The following KAZN variants were observed in gnomAD, a reference collection of about 807,000 sequenced individuals.
KAZN encodes kazrin, periplakin interacting protein.
In KAZN, 40 loss-of-function variants were observed where a neutral mutation model predicts 87.4. That is an observed-to-expected ratio of 0.46 (90% CI 0.36 to 0.60). KAZN has a LOEUF of 0.60. Among genes scored for constraint, KAZN ranks in the 20% least tolerant of loss-of-function variants. The pLI, the probability that KAZN is intolerant of heterozygous loss-of-function variation, is 0.00. For synonymous variants in KAZN, 466 were observed against 458.3 expected (o/e 1.02, Z -0.22); for missense variants, 898 against 1,073.9 (o/e 0.84, Z 2.29).
At chr1:14,172,439 T>C (rs1337440842) in intron 1 of KAZN, among the ~76,000 whole-genome samples, 1 of 152,226 alleles carries the variant, frequency 6.6e-6, no homozygotes, top group African/African-American at 2.4e-5. Context: ...AGCACTATTA[T>C]GTGCCAGGTC....
At chr1:13,947,344 G>A (rs919068218) in intron 1 of KAZN, among the ~76,000 whole-genome samples, 3 of 152,236 alleles carry the variant, frequency 2.0e-5, no homozygotes, top group Admixed American at 6.5e-5. Flanking sequence ...AGGCAAAATC[G>A]TGAGTGGACT....
chr1:14,064,289 T>C (rs552479858), intron 1 of KAZN, among the ~76,000 whole-genome samples: 16 of 152,272 alleles, frequency 1.1e-4, no homozygotes, highest in African/African-American at 3.8e-4. Context: ...GGGCTCTAAA[T>C]TGACAGCGAC....
rs75213175 is a variant in KAZN, at chr1:14,655,799, C to T, written c.226+56576C>T. Among the ~76,000 whole-genome samples, 883 of 152,182 alleles carry T rather than the reference C, an allele frequency of 5.8e-3. 8 individuals carry two copies. Among genetic ancestry groups the T allele is most frequent in the Non-Finnish European group, 9.1e-3 (622 of 68,004 alleles). ...ACGGGTCTAGGGGTGGGAAGTGTGC[C>T]GAACCCCTGTCGACTCCAGTGGGGA... On this transcript the variant is annotated intron_variant, in intron 1 of 14. Coordinates refer to ENST00000376030, the MANE Select transcript of KAZN (RefSeq NM_201628.3).
chr1:14,577,972 A>G (rs1019104742), intron 2 of KAZN, among the ~76,000 whole-genome samples: 6 of 152,084 alleles, frequency 3.9e-5, no homozygotes, highest in Non-Finnish European at 2.9e-5. Flanking sequence ...CTTCCCCTCT[A>G]TGACCTACTA....
At chr1:14,969,409 T>C (rs1479285252) in intron 2 of KAZN, among the ~76,000 whole-genome samples, 1 of 152,250 alleles carries the variant, frequency 6.6e-6, no homozygotes, top group Non-Finnish European at 1.5e-5. Flanking sequence ...AAGCTACTGC[T>C]GTTTCTTTAG....
intron 1 of KAZN, among the ~76,000 whole-genome samples, chr1:14,058,128 C>T (rs370143476): frequency 4.6e-5 from 7 of 152,138 alleles, no homozygotes; most frequent in African/African-American, 1.4e-4. Context: ...ATATGCCCCA[C>T]CTGTGTCTTA....
chr1:14,971,970 G>A (rs1240974117), intron 2 of KAZN, among the ~76,000 whole-genome samples: 1 of 152,128 alleles, frequency 6.6e-6, no homozygotes, highest in Non-Finnish European at 1.5e-5. Context: ...AATGCCAGTG[G>A]TCTCGGCTGC....
At chr1:14,884,886 G>A (rs1426752873) in intron 1 of KAZN, among the ~76,000 whole-genome samples, 5 of 152,222 alleles carry the variant, frequency 3.3e-5, no homozygotes. Context: ...ATTTCTCAGC[G>A]ACAGCGATGG....
chr1:14,670,896 G>A (rs1639876721), intron 1 of KAZN, among the ~76,000 whole-genome samples: 1 of 152,204 alleles, frequency 6.6e-6, no homozygotes, highest in East Asian at 1.9e-4. Flanking sequence ...AGGAACATTT[G>A]ACAATGTCTG....
intron 1 of KAZN, among the ~76,000 whole-genome samples, chr1:14,795,536 G>A (rs563262163): frequency 3.9e-5 from 6 of 152,210 alleles, no homozygotes; most frequent in Admixed American, 1.3e-4. Context: ...CCTTGCAGTC[G>A]TTTATTTTCA....
At chr1:13,955,773 A>C (rs1361125057) in intron 1 of KAZN, among the ~76,000 whole-genome samples, 4 of 152,198 alleles carry the variant, frequency 2.6e-5, no homozygotes, top group African/African-American at 4.8e-5. Context: ...AAGACAGTAC[A>C]TTCCTACTAT....
At chr1:14,226,432 A>G (rs1255257106) in intron 2 of KAZN, among the ~76,000 whole-genome samples, 1 of 152,184 alleles carries the variant, frequency 6.6e-6, no homozygotes, top group Admixed American at 6.5e-5. Context: ...ACAAAAAAAC[A>G]GATTCTGGTA....
rs779197767 is a variant in KAZN, at chr1:14,599,235, C to T, written c.226+12C>T. 3 of 1,365,794 alleles carry T rather than the reference C, an allele frequency of 2.2e-6. No homozygotes were observed. Among genetic ancestry groups the T allele is most frequent in the South Asian group, 4.2e-5 (2 of 48,178 alleles). The allele number at this position is 1,365,794 out of a possible 1,614,324, so 84.6% of individuals were successfully genotyped here. On this transcript the variant is annotated intron_variant, in intron 1 of 14. Transcript: ENST00000376030. The surrounding 1 kb of genome is among the most constrained non-coding windows in gnomAD (Gnocchi z 4.4). ...GCTTGGAGCGCAAGGTAGGATCGCC[C>T]CGGCGCCCAGGGCGGAGGAAGGCGA...
chr1:13,945,490 A>G (rs1570353252), intron 1 of KAZN, among the ~76,000 whole-genome samples: 1 of 140,592 alleles, frequency 7.1e-6, no homozygotes, highest in Non-Finnish European at 1.5e-5. Flanking sequence ...AAAAAAAAAA[A>G]TTAGAATTGA....
At chr1:14,983,335 G>A (rs1666450745) in intron 2 of KAZN, among the ~76,000 whole-genome samples, 1 of 152,188 alleles carries the variant, frequency 6.6e-6, no homozygotes, top group East Asian at 1.9e-4. Context: ...CCTAGGATTG[G>A]AAGTGGGCGC....
chr1:14,958,569 G>A (rs943876530), intron 1 of KAZN, among the ~76,000 whole-genome samples: 1 of 152,204 alleles, frequency 6.6e-6, no homozygotes, highest in Non-Finnish European at 1.5e-5. Context: ...CCGTTTAACA[G>A]ATGCAGTGTC....
intron 1 of KAZN, among the ~76,000 whole-genome samples, chr1:14,628,022 C>T (rs1446444968): frequency 6.6e-6 from 1 of 152,232 alleles, no homozygotes; most frequent in Non-Finnish European, 1.5e-5. Flanking sequence ...TTCTCACCCT[C>T]TCTTTCCCAA....
At chr1:14,782,724 T>G (rs1324882267) in intron 1 of KAZN, among the ~76,000 whole-genome samples, 1 of 152,160 alleles carries the variant, frequency 6.6e-6, no homozygotes, top group African/African-American at 2.4e-5. Flanking sequence ...AGGTTTTCCC[T>G]TTAATCAAAG....
chr1:13,971,291 C>T (rs1430230401), intron 1 of KAZN, among the ~76,000 whole-genome samples: 1 of 152,192 alleles, frequency 6.6e-6, no homozygotes, highest in African/African-American at 2.4e-5. Flanking sequence ...TCTCTGCTTG[C>T]TTCACCTTTA....
Sources: gnomAD v4.1 joint callset for allele counts (sites outside exome capture counted in the v4.1 genomes callset) on GRCh38, gnomAD v4.1.1 for gene constraint, Gnocchi (gnomAD v3.1) non-coding constraint, MANE v1.5 for transcripts, NCBI Gene and HGNC (gene_info 2026-07-23, HGNC 2026-07-21) for gene names.